Variants in IGF2R observed in about 807,000 individuals in gnomAD.
IGF2R encodes insulin like growth factor 2 receptor.
Under a neutral mutation model 270.6 loss-of-function variants are expected in IGF2R, and 91 were observed. That is an observed-to-expected ratio of 0.34 (90% CI 0.28 to 0.40). The LOEUF (loss-of-function observed/expected upper bound fraction) is 0.40. Among genes scored for constraint, IGF2R ranks in the 10% least tolerant of loss-of-function variants. The probability of loss-of-function intolerance (pLI) is 1.00; values close to 1 mark genes in which losing one functional copy is unlikely to be tolerated. For missense variants in IGF2R, 2,805 were observed against 3,188.3 expected (o/e 0.88, Z 2.90); for synonymous variants, 1,316 against 1,258.9 (o/e 1.05, Z -0.96).
chr6:159,977,695 G>T (rs1276649307), intron 1 of IGF2R, among the ~76,000 whole-genome samples: 1 of 152,170 alleles, frequency 6.6e-6, no homozygotes. Flanking sequence ...GTTAGTTTTG[G>T]AAGTCACTTT....
At chr6:159,975,536 G>A (rs1228864319) in intron 1 of IGF2R, among the ~76,000 whole-genome samples, 1 of 151,810 alleles carries the variant, frequency 6.6e-6, no homozygotes, top group East Asian at 1.9e-4. Context: ...TCCTACCTTG[G>A]GGCAGGTGGA....
chr6:160,067,870 G>C (rs1325008396), intron 29 of IGF2R, among the ~76,000 whole-genome samples: 1 of 152,232 alleles, frequency 6.6e-6, no homozygotes, highest in Non-Finnish European at 1.5e-5. Context: ...GGCCCCTGCT[G>C]TGTGTGCTCC....
chr6:159,982,695 C>A (rs527660860), intron 1 of IGF2R, among the ~76,000 whole-genome samples: 1 of 152,226 alleles, frequency 6.6e-6, no homozygotes, highest in Non-Finnish European at 1.5e-5. Flanking sequence ...ATTAGCATAA[C>A]CCCAAGATTC....
chr6:160,088,646 C>T (rs901055765), intron 42 of IGF2R, among the ~76,000 whole-genome samples: 6 of 152,108 alleles, frequency 3.9e-5, no homozygotes, highest in African/African-American at 1.4e-4. Context: ...TCCTTCCAGA[C>T]GCTGAGTTTG....
intron 1 of IGF2R, among the ~76,000 whole-genome samples, chr6:159,974,389 TCTC>T (rs1426646180): frequency 3.9e-5 from 6 of 152,354 alleles, no homozygotes; most frequent in African/African-American, 1.4e-4. Context: ...TTTGGGTTCT[TCTC>T]CTTATTGAGC....
chr6:159,986,262 C>T (rs989786126), intron 1 of IGF2R, among the ~76,000 whole-genome samples: 30 of 147,770 alleles, frequency 2.0e-4, no homozygotes, highest in African/African-American at 7.3e-4. Flanking sequence ...GATGGAGTCT[C>T]ACTCTGTCAC....
At chr6:160,042,666 C>A (rs1484859047) in intron 11 of IGF2R, among the ~76,000 whole-genome samples, 1 of 152,192 alleles carries the variant, frequency 6.6e-6, no homozygotes, top group Non-Finnish European at 1.5e-5. Context: ...TGCATTGCAT[C>A]CTGCACTCAG....
At position 160,045,804 on chromosome 6, in the gene IGF2R, T is replaced by G; in HGVS notation, c.1825T>G (p.Phe609Val). 5 of 1,613,804 alleles carry G rather than the reference T, an allele frequency of 3.1e-6. No homozygotes were observed. The East Asian group carries it at 1.1e-4, about 36-fold the overall frequency. The change falls in exon 14 of 48, where the codon TTT (phenylalanine) becomes GTT (valine). Residue 609 changes from phenylalanine to valine, a missense_variant. By Grantham distance (50) the Phe-to-Val change is conservative (BLOSUM62 -1). Around this residue, in one of 2 missense-constraint regions of IGF2R, gnomAD observed 954 missense variants for 981.1 expected, o/e 0.97. Transcript: ENST00000356956. The stretch of plus-strand genomic sequence containing the variant: ...TGGGGAAGGCGGTTGCTTTTATGAG[T>G]TTGAGTGGCACACAGCTGCGGCCTG... ...TSGEGGCFYE[F>V]EWHTAAACVL...
rs1784080510 is a variant in IGF2R, at chr6:159,998,150, A to T, written c.289+6827A>T. The stretch of plus-strand genomic sequence containing the variant: ...TTGAGAACTCACAGAGAAAGGCCAC[A>T]AGTAATTCTGTTGGCCAGTGTTATG... On this transcript the variant is annotated intron_variant, in intron 2 of 47. Transcript: ENST00000356956. The surrounding 1 kb of genome is among the most constrained non-coding windows in gnomAD (Gnocchi z 4.1). Among the ~76,000 whole-genome samples, 1 of 152,262 alleles carries T rather than the reference A, an allele frequency of 6.6e-6. No homozygotes were observed. The highest frequency in any genetic ancestry group is 2.1e-4 in the South Asian group (1 of 4,838).
In IGF2R at chr6:160,016,368, G is replaced by A. The variant is rs551510675; in HGVS notation, c.513+5583G>A. On this transcript the variant is annotated intron_variant, in intron 4 of 47. Coordinates refer to ENST00000356956, the MANE Select transcript of IGF2R (RefSeq NM_000876.4). ...GGAGAGCCTGAATATGTGCTTGCCT[G>A]ACCCAGCTCCACCCAGCTTTCCTTC... Among the ~76,000 whole-genome samples the A allele has an allele frequency of 3.3e-5, 5 of 152,348 alleles. No homozygotes were observed. In the East Asian group the frequency reaches 5.8e-4, roughly 18 times the overall value.
chr6:160,082,300 T>C (rs1779000139), intron 39 of IGF2R, among the ~76,000 whole-genome samples: 1 of 151,990 alleles, frequency 6.6e-6, no homozygotes, highest in Admixed American at 6.6e-5. Flanking sequence ...AGGTATTACA[T>C]TATTATCTTA....
chr6:160,096,965 G>A (rs767451339), intron 45 of IGF2R, among the ~76,000 whole-genome samples: 1 of 152,162 alleles, frequency 6.6e-6, no homozygotes, highest in Non-Finnish European at 1.5e-5. Context: ...CCTCTCCTTA[G>A]CTCCTGGGAG....
chr6:160,034,374 T>C (rs1446124660), intron 9 of IGF2R, 45 bp from the exon 10 acceptor site: 1 of 1,289,048 alleles, frequency 7.8e-7, no homozygotes, highest in Non-Finnish European at 1.1e-6. Flanking sequence ...AGTTTTTTTC[T>C]TGGTTCTCCC....
chr6:160,089,113 T>C lies in IGF2R; in HGVS notation c.6327T>C (p.Asp2109=), dbSNP rs1278392949. The C allele has an allele frequency of 6.2e-7, 1 of 1,613,002 alleles. No homozygotes were observed. The highest frequency in any genetic ancestry group is 1.3e-5 in the African/African-American group (1 of 74,904). Residue 2109 remains aspartate (D), a synonymous_variant, in exon 43 of 48, where the codon GAT becomes GAC. Coordinates refer to ENST00000356956, the MANE Select transcript of IGF2R (RefSeq NM_000876.4). ...TVGRPAFKRF[D]IDSCTYYFSW... is the part of the protein sequence containing the mutation. ...TGTGCTTCCCTCCTCCTAGGTTTGA[T>C]ATCGACAGCTGCACTTACTACTTCA...
intron 10 of IGF2R, among the ~76,000 whole-genome samples, chr6:160,037,988 G>C (rs749134668): frequency 6.6e-6 from 1 of 152,176 alleles, no homozygotes; most frequent in Non-Finnish European, 1.5e-5. Flanking sequence ...GCTGGGAAAC[G>C]GAGTTTAGCT....
At position 160,040,582 on chromosome 6, in the gene IGF2R, T is replaced by C; in HGVS notation, c.1338T>C (p.Pro446=). 3 of 1,614,196 alleles carry C rather than the reference T, an allele frequency of 1.9e-6. No individual in the cohort carries two copies. In the South Asian group the frequency reaches 3.3e-5, roughly 18 times the overall value. Residue 446 remains proline, a synonymous_variant, in exon 11 of 48, where the codon CCT becomes CCC. Transcript: ENST00000356956. ...KTAGNDGKGT[P]VFTGEVDCTY... ...CAGGTAACGATGGGAAAGGAACTCC[T>C]GTATTCACAGGGGAGGTTGACTGCA...
chr6:160,074,013 C>T (rs1350478159), intron 35 of IGF2R, 38 bp downstream of exon 35: 7 of 1,481,658 alleles, frequency 4.7e-6, no homozygotes, highest in South Asian at 1.2e-5. Flanking sequence ...ATAATTTTTG[C>T]AAGACTTTTA....
chr6:159,975,602 CA>C (rs1299105779), intron 1 of IGF2R, among the ~76,000 whole-genome samples: 1 of 149,914 alleles, frequency 6.7e-6, no homozygotes, highest in Non-Finnish European at 1.5e-5. Flanking sequence ...AACATTATAA[CA>C]AAAGACCAAT....
intron 39 of IGF2R, among the ~76,000 whole-genome samples, chr6:160,083,019 G>A (rs914672281): frequency 8.5e-5 from 13 of 152,192 alleles, no homozygotes; most frequent in African/African-American, 2.7e-4. Context: ...AACAACAGTG[G>A]GCCCAGGGGA....
Sources: allele counts gnomAD v4.1 joint callset (sites outside exome capture counted in the v4.1 genomes callset), GRCh38; gene constraint gnomAD v4.1.1; regional missense constraint gnomAD v4.1.1; non-coding constraint Gnocchi (gnomAD v3.1); transcripts MANE v1.5; gene names NCBI Gene and HGNC (gene_info 2026-07-23, HGNC 2026-07-21).